NGEF: variants seen among roughly 807,000 people sequenced by gnomAD.
NGEF encodes neuronal guanine nucleotide exchange factor, also known as ephexin-1.
In NGEF, 31 loss-of-function variants were observed where a neutral mutation model predicts 80.9. That is an observed-to-expected ratio of 0.38 (90% confidence interval 0.29 to 0.52). The LOEUF is 0.52. Among genes scored for constraint, NGEF ranks in the 20% least tolerant of loss-of-function variants. The probability of loss-of-function intolerance (pLI) is 0.84; values close to 1 mark genes in which losing one functional copy is unlikely to be tolerated. For synonymous variants in NGEF, 371 were observed against 370.2 expected, an observed-to-expected ratio of 1.00 and a Z score of -0.03; for missense variants, 709 against 926.2, an observed-to-expected ratio of 0.77 and a Z score of 3.04.
chr2:232,899,641 T>C (rs1435839600), intron 5 of NGEF, among the ~76,000 whole-genome samples: 4 of 130,380 alleles, frequency 3.1e-5, no homozygotes, highest in Admixed American at 8.0e-5. Context: ...GTCACTCATA[T>C]ACACGTTCAC....
rs557515697 is a variant in NGEF, at chr2:232,968,299, G to A, written c.383+1915C>T. Among the ~76,000 whole-genome samples the A allele has an allele frequency of 4.6e-5, 7 of 152,088 alleles. No individual in the cohort carries two copies. In the South Asian group the frequency reaches 8.3e-4, roughly 18 times the overall value. ...GATGGGGTTTCTCTATGTTGGTCAG[G>A]CTGGTCTTGAACTCCTAACCTCAGG... On this transcript the variant is annotated intron_variant, in intron 3 of 14. Coordinates refer to ENST00000264051, the MANE Select transcript of NGEF (RefSeq NM_019850.3).
At chr2:232,947,354 G>A (rs1204293541) in intron 3 of NGEF, among the ~76,000 whole-genome samples, 2 of 152,156 alleles carry the variant, frequency 1.3e-5, no homozygotes, top group Non-Finnish European at 2.9e-5. Flanking sequence ...AGGAGACACA[G>A]GGAGTGATGT....
At chr2:232,970,161 CCT>C (rs1177889694) in intron 3 of NGEF, 51 bp downstream of exon 3, 1 of 1,027,198 alleles carries the variant, frequency 9.7e-7, no homozygotes, top group African/African-American at 1.7e-5. Flanking sequence ...GCAGCAATGA[CCT>C]CTGATGCATC....
chr2:232,997,133 C>G (rs542805165), intron 1 of NGEF, among the ~76,000 whole-genome samples: 2 of 125,988 alleles, frequency 1.6e-5, no homozygotes, highest in South Asian at 3.9e-4. Flanking sequence ...GTTCTCACTC[C>G]GGCACTGGCC....
chr2:232,883,702 T>G (rs73999707), intron 11 of NGEF, among the ~76,000 whole-genome samples: 14,121 of 152,186 alleles, frequency 0.093, 906 homozygotes, highest in East Asian at 0.17. Flanking sequence ...TACCGTGGCC[T>G]CCCTGCTGAG....
chr2:232,882,362 C>A, intron 12 of NGEF, 97 bp from the exon 13 acceptor site: 1 of 1,107,232 alleles, frequency 9.0e-7, no homozygotes. Flanking sequence ...CTCGGATCTG[C>A]GTCCACCATC....
At chr2:232,910,226 C>T (rs1290019256) in intron 5 of NGEF, among the ~76,000 whole-genome samples, 18 of 151,706 alleles carry the variant, frequency 1.2e-4, no homozygotes, top group Non-Finnish European at 2.6e-4. Context: ...AATTCTTCCA[C>T]AGACCAGGGG....
In NGEF at chr2:232,888,114, A is replaced by G; in HGVS notation, c.1273-7T>C. The G allele has an allele frequency of 6.3e-7, 1 of 1,581,326 alleles. No homozygotes were observed. The highest frequency in any genetic ancestry group is 8.6e-7 in the Non-Finnish European group (1 of 1,167,530). ...CTACCCTCTTCAGGATGTTCTATGC[A>G]CAGAGAAAGGCTGCGTTAACTTTAA... On this transcript the variant is annotated splice_region_variant and splice_polypyrimidine_tract_variant and intron_variant, in intron 8 of 14. Coordinates refer to ENST00000264051, the MANE Select transcript of NGEF (RefSeq NM_019850.3).
intron 1 of NGEF, chr2:233,012,619 C>T (rs576628991): frequency 1.5e-4 from 50 of 335,136 alleles, no homozygotes; most frequent in Admixed American, 7.8e-4. Flanking sequence ...TCAGGACTGG[C>T]GTCGTGGGTG....
rs537257879 is a variant in NGEF at position 232,947,322 on chromosome 2, G to A, written c.384-20136C>T. ...GTTTAACCTGAATCCAATCAAGTGC[G>A]TAGACCCAACTCCCAGTTTGAAGGA... On this transcript the variant is annotated intron_variant, in intron 3 of 14. Coordinates refer to ENST00000264051, the MANE Select transcript of NGEF (RefSeq NM_019850.3). 5.8e-4 allele frequency among the ~76,000 whole-genome samples: 89 copies of A among 152,280 alleles called. 1 individual carries two copies. The South Asian group carries it at 0.012, about 21-fold the overall frequency.
At chr2:232,891,599 A>T in intron 7 of NGEF, 112 bp from the exon 8 acceptor site, 1 of 1,234,096 alleles carries the variant, frequency 8.1e-7, no homozygotes, top group Non-Finnish European at 1.1e-6. Flanking sequence ...GGGCTCAGAA[A>T]ACATGTTGAT....
chr2:232,984,587 A>G (rs1470962137), intron 1 of NGEF, among the ~76,000 whole-genome samples: 1 of 152,142 alleles, frequency 6.6e-6, no homozygotes, highest in Non-Finnish European at 1.5e-5. Flanking sequence ...GGCCAGCAAA[A>G]AAGGCCAATG....
At chr2:233,011,296 G>A (rs189842058) in intron 1 of NGEF, among the ~76,000 whole-genome samples, 2 of 152,242 alleles carry the variant, frequency 1.3e-5, no homozygotes, top group Admixed American at 6.5e-5. Context: ...GGGTTGTGCT[G>A]GGGGGTGACT....
rs370255901 is a variant in NGEF at position 232,945,656 on chromosome 2, C to T, written c.384-18470G>A. 2.2e-4 allele frequency among the ~76,000 whole-genome samples: 33 copies of T among 150,358 alleles called. No homozygotes were observed. In the East Asian group the frequency reaches 2.3e-3, roughly 11 times the overall value. On this transcript the variant is annotated intron_variant, in intron 3 of 14. Transcript: ENST00000264051. ...GCTCTGAGAGGGAGTGTGGTCCTGA[C>T]GATGTCTTGCTTTGGCACTTCTGGT...
chr2:232,901,871 A>G (rs1440111749), intron 5 of NGEF, among the ~76,000 whole-genome samples: 1 of 152,206 alleles, frequency 6.6e-6, no homozygotes, highest in Non-Finnish European at 1.5e-5. Flanking sequence ...ACACCTCAGC[A>G]CAGGCCCTAC....
intron 5 of NGEF, among the ~76,000 whole-genome samples, chr2:232,899,437 G>C (rs1162285038): frequency 6.6e-6 from 1 of 152,146 alleles, no homozygotes. Context: ...ATTCAACTCC[G>C]GTCCAGCCTG....
intron 1 of NGEF, among the ~76,000 whole-genome samples, chr2:233,007,873 G>A (rs1311992690): frequency 6.6e-6 from 1 of 152,198 alleles, no homozygotes; most frequent in African/African-American, 2.4e-5. Context: ...ACCAGGAAAA[G>A]TTGTCCAGGC....
chr2:232,983,481 A>T (rs72980007), intron 1 of NGEF, among the ~76,000 whole-genome samples: 11,529 of 152,074 alleles, frequency 0.076, 1,505 homozygotes, highest in African/African-American at 0.26. Context: ...GTGGGGGTGC[A>T]GGGTTAGCTG....
chr2:232,928,112 G>T (rs1169357298), intron 3 of NGEF: 13 of 1,031,992 alleles, frequency 1.3e-5, no homozygotes, highest in South Asian at 4.5e-5. Flanking sequence ...CGCGCGGCTC[G>T]ACCGGAGCTG....
Sources: allele counts gnomAD v4.1 joint callset (sites outside exome capture counted in the v4.1 genomes callset), GRCh38; gene constraint gnomAD v4.1.1; transcripts MANE v1.5; gene names NCBI Gene and HGNC (gene_info 2026-07-23, HGNC 2026-07-21).